FAM221A: variants seen among roughly 807,000 people sequenced by gnomAD.
FAM221A encodes protein FAM221A.
A neutral mutation model predicts 37.6 loss-of-function variants in FAM221A; 43 were observed. The ratio of observed to expected loss-of-function variants is 1.15; its 90% confidence interval spans 0.90 to 1.48. The LOEUF (loss-of-function observed/expected upper bound fraction) is 1.48, where lower values mean the gene tolerates loss of function less well. Among genes scored for constraint, FAM221A ranks in the 40% most tolerant of loss-of-function variants. The pLI is 0.00. For synonymous variants in FAM221A, 135 were observed against 132.9 expected (o/e 1.02, Z -0.11); for missense variants, 361 against 361.5 (o/e 1.00, Z 0.01).
intron 4 of FAM221A, chr7:23,693,157 A>T (rs1443956344): frequency 2.0e-5 from 3 of 152,032 alleles, no homozygotes; most frequent in African/African-American, 7.2e-5. Context: ...CATGAATTTG[A>T]CTCTAAGGTA....
At chr7:23,681,120 C>G (rs757622788) in intron 1 of FAM221A, among the ~76,000 whole-genome samples, 40 of 152,172 alleles carry the variant, frequency 2.6e-4, no homozygotes, top group Admixed American at 9.8e-4. Flanking sequence ...TTGGGTAACC[C>G]TTAGAACTGC....
intron 1 of FAM221A, among the ~76,000 whole-genome samples, chr7:23,681,345 C>G (rs1316614796): frequency 6.6e-6 from 1 of 152,152 alleles, no homozygotes; most frequent in Non-Finnish European, 1.5e-5. Context: ...TTGTGGGCCT[C>G]CAGTTGACTC....
At position 23,695,153 on chromosome 7, in the gene FAM221A, T is replaced by A. The variant is rs191198933; in HGVS notation, c.638-3039T>A. ...CTGGCTAATATTTTACATTTTATAT[T>A]TTTTTTAGAGACAGAGTCTTACTAT... On this transcript the variant is annotated intron_variant, in intron 4 of 6. Coordinates refer to ENST00000344962, the MANE Select transcript of FAM221A (RefSeq NM_199136.5). Among the ~76,000 whole-genome samples the A allele has an allele frequency of 5.3e-5, 8 of 151,564 alleles. No individual in the cohort carries two copies. In the East Asian group the frequency reaches 1.2e-3, roughly 22 times the overall value.
chr7:23,696,148 C>T lies in FAM221A; in HGVS notation c.638-2044C>T, dbSNP rs535404233. On this transcript the variant is annotated intron_variant, in intron 4 of 6. Transcript: ENST00000344962. Reference sequence around the variant, plus strand: ...GGTATAGCCTTTTGTTCCTAGGCAACAAACTTGTTCATCATGCTACTGTAC... The same window carrying T: ...GGTATAGCCTTTTGTTCCTAGGCAATAAACTTGTTCATCATGCTACTGTAC... Among the ~76,000 whole-genome samples the T allele has an allele frequency of 2.0e-5, 3 of 152,342 alleles. No individual in the cohort carries two copies. The East Asian group carries it at 5.8e-4, about 29-fold the overall frequency.
In FAM221A at chr7:23,684,653, CTG is replaced by C; in HGVS notation, c.224_225del (p.Cys75PhefsTer5). 1.2e-6 allele frequency: 2 copies of C among 1,610,944 alleles called. No homozygotes were observed. The highest frequency in any genetic ancestry group is 1.7e-6 in the Non-Finnish European group (2 of 1,179,290). Reference sequence around the variant, plus strand: ...TTGTAAACTTGTGGGCCCAGAGACACTGTGTTTTTGTACACATAGGTAAGATA... The same window carrying C: ...TTGTAAACTTGTGGGCCCAGAGACACTGTTTTTGTACACATAGGTAAGATA... ...MDCKLVGPET[L>X]CFCTHRYKQH... is the part of the protein sequence containing the mutation. On this transcript the variant is annotated frameshift_variant, in exon 2 of 7. Transcript: ENST00000344962. LOFTEE classifies it high-confidence loss of function.
chr7:23,697,304 A>G (rs1785121053), intron 4 of FAM221A, among the ~76,000 whole-genome samples: 1 of 152,236 alleles, frequency 6.6e-6, no homozygotes, highest in Non-Finnish European at 1.5e-5. Flanking sequence ...TAACCCAATT[A>G]GGACCACCTG....
At chr7:23,680,312 C>T (rs774406844) in intron 1 of FAM221A, 29 bp downstream of exon 1, 34 of 1,511,504 alleles carry the variant, frequency 2.2e-5, no homozygotes, top group Non-Finnish European at 2.8e-5. Flanking sequence ...GCCTGCCCCC[C>T]CGCCGCTCCG....
intron 4 of FAM221A, among the ~76,000 whole-genome samples, chr7:23,696,777 AT>A (rs1785084488): frequency 6.6e-6 from 1 of 152,302 alleles, no homozygotes; most frequent in Non-Finnish European, 1.5e-5. Context: ...TTTTGTTCTG[AT>A]TTCAGGTATA....
At chr7:23,691,108 T>G (rs1184514682) in intron 3 of FAM221A, among the ~76,000 whole-genome samples, 1 of 152,206 alleles carries the variant, frequency 6.6e-6, no homozygotes, top group African/African-American at 2.4e-5. Context: ...CATGCCTGCT[T>G]ATAATTCAGT....
Position 23,702,373 on chromosome 7 carries a change from C to A in FAM221A, c.*209C>A, listed in dbSNP as rs1302254641. The A allele has an allele frequency of 3.1e-6, 1 of 323,820 alleles. No individual in the cohort carries two copies. The highest frequency in any genetic ancestry group is 2.3e-5 in the African/African-American group (1 of 44,014). 20.1% of individuals were successfully genotyped at this position (323,820 alleles called of 1,614,324 possible). ...AATTTACTACTTTGTATGTACCTTT[C>A]TTTCTCCTGACAAATGAGGTTATTT... On this transcript the variant is annotated 3_prime_UTR_variant, in exon 7 of 7. Transcript: ENST00000344962.
chr7:23,683,095 A>G (rs1784156215), intron 1 of FAM221A, among the ~76,000 whole-genome samples: 1 of 152,224 alleles, frequency 6.6e-6, no homozygotes, highest in Non-Finnish European at 1.5e-5. Context: ...AAAGTATGGA[A>G]AAAAGCATGT....
In FAM221A at chr7:23,682,436, A is replaced by ATT. The variant is rs1255822217; in HGVS notation, c.66-2062_66-2061dup. On this transcript the variant is annotated intron_variant, in intron 1 of 6. Transcript: ENST00000344962. ...ATTTATTATTATTATTATTATTATT[A>ATT]TTATTTTTTTTTTTAGATAGAGTCT... 5.0e-4 allele frequency among the ~76,000 whole-genome samples: 38 copies of ATT among 75,632 alleles called. 1 individual carries two copies. Among genetic ancestry groups the ATT allele is most frequent in the Admixed American group, 2.7e-3 (18 of 6,742 alleles). The allele number at this position is 75,632 out of a possible 152,430, so 49.6% of individuals were successfully genotyped here. A position where few individuals can be genotyped will look rare whatever the true frequency, so the allele number is the denominator to read the frequency against.
chr7:23,695,882 G>A (rs898724950), intron 4 of FAM221A, among the ~76,000 whole-genome samples: 1 of 151,502 alleles, frequency 6.6e-6, no homozygotes, highest in Non-Finnish European at 1.5e-5. Flanking sequence ...TCTTATTCTT[G>A]ACTAGTCAAA....
chr7:23,699,526 C>T (rs1785270120), intron 5 of FAM221A, among the ~76,000 whole-genome samples: 1 of 142,312 alleles, frequency 7.0e-6, no homozygotes, highest in African/African-American at 2.6e-5. Flanking sequence ...TTCTGATAGT[C>T]ACCTTTTCCT....
At chr7:23,697,494 T>G (rs996615470) in intron 4 of FAM221A, among the ~76,000 whole-genome samples, 48 of 152,238 alleles carry the variant, frequency 3.2e-4, no homozygotes, top group African/African-American at 1.2e-3. Flanking sequence ...GAGGGTGCTT[T>G]CTTCTTTATT....
At position 23,680,254 on chromosome 7, in the gene FAM221A, G is replaced by T; in HGVS notation, c.36G>T (p.Ala12=). ...TGACGTTGCCTCTCGGCGGCGCGGC[G>T]GCGGTGGACGAGTACCTGGAGTACC... ...ERLTLPLGGA[A]AVDEYLEYRR... Residue 12 remains alanine (A), a synonymous_variant, in exon 1 of 7, where the codon GCG becomes GCT. Coordinates refer to ENST00000344962, the MANE Select transcript of FAM221A (RefSeq NM_199136.5). 1.3e-6 allele frequency: 2 copies of T among 1,549,096 alleles called. No individual in the cohort carries two copies. The highest frequency in any genetic ancestry group is 2.5e-5 in the East Asian group (1 of 40,712).
intron 4 of FAM221A, chr7:23,692,104 C>G: frequency 3.4e-6 from 2 of 596,428 alleles, no homozygotes; most frequent in Non-Finnish European, 4.2e-6. Flanking sequence ...TATGTGCACA[C>G]ACATATATCT....
At chr7:23,680,804 A>G (rs1783988461) in intron 1 of FAM221A, 1 of 152,630 alleles carries the variant, frequency 6.6e-6, no homozygotes, top group African/African-American at 2.4e-5. Flanking sequence ...ATTGTCCTGG[A>G]TCCTGACCGA....
intron 2 of FAM221A, chr7:23,686,281 T>TTTA: frequency 6.9e-6 from 3 of 436,386 alleles, no homozygotes; most frequent in African/African-American, 2.1e-5. Context: ...TTTTTTTTTT[T>TTTA]GAGACAGGGT....
Sources: allele counts gnomAD v4.1 joint callset (sites outside exome capture counted in the v4.1 genomes callset), GRCh38; gene constraint gnomAD v4.1.1; transcripts MANE v1.5; gene names NCBI Gene and HGNC (gene_info 2026-07-23, HGNC 2026-07-21).